Variants in ZNF717 observed in about 807,000 individuals in gnomAD.
ZNF717 encodes zinc finger protein 717, also known as krueppel-like factor X17.
ZNF717 carries 9 observed loss-of-function variants against 13.8 expected under a neutral mutation model. The ratio of observed to expected loss-of-function variants is 0.65; its 90% CI spans 0.39 to 1.14. The LOEUF is 1.14. ZNF717 is among the 50% of genes most tolerant of loss of function. ZNF717 has a pLI of 0.01. For synonymous variants in ZNF717, 327 were observed against 364.1 expected, an observed-to-expected ratio of 0.90 and a Z score of 1.16; for missense variants, 1,040 against 1,080.7, an observed-to-expected ratio of 0.96 and a Z score of 0.53.
intron 2 of ZNF717, among the ~76,000 whole-genome samples, chr3:75,777,783 G>C (rs1370026104): frequency 7.3e-5 from 11 of 150,886 alleles, no homozygotes; most frequent in African/African-American, 2.7e-4. Context: ...CAATGGGAGT[G>C]ACATGCTAAA....
intron 6 of ZNF717, among the ~76,000 whole-genome samples, chr3:75,694,714 T>G (rs1937587405): frequency 7.5e-6 from 1 of 132,810 alleles, no homozygotes; most frequent in Non-Finnish European, 1.6e-5. Flanking sequence ...CAATAAAGTA[T>G]AGTTTTTATT....
At chr3:75,776,206 C>T (rs2107687917) in intron 2 of ZNF717, among the ~76,000 whole-genome samples, 2 of 152,370 alleles carry the variant, frequency 1.3e-5, no homozygotes, top group Middle Eastern at 6.8e-3. Context: ...TTTTGCATTC[C>T]ATAACTCATC....
At chr3:75,773,475 A>T (rs1944053259) in intron 2 of ZNF717, among the ~76,000 whole-genome samples, 1 of 152,234 alleles carries the variant, frequency 6.6e-6, no homozygotes, top group African/African-American at 2.4e-5. Flanking sequence ...GAAGCTTCTA[A>T]AAAGATTTAG....
At chr3:75,723,790 C>A (rs1485396915) in intron 4 of ZNF717, among the ~76,000 whole-genome samples, 6 of 152,132 alleles carry the variant, frequency 3.9e-5, no homozygotes, top group African/African-American at 1.2e-4. Flanking sequence ...GGGAAGGCAC[C>A]GGTTACTTAG....
At chr3:75,731,915 C>G, downstream of ZNF717, 3 of 610,852 alleles carry the variant, frequency 4.9e-6, no homozygotes, top group South Asian at 3.9e-5. Flanking sequence ...AGACTCACTA[C>G]TGAAACCACC....
intron 1 of ZNF717, 190 bp downstream of exon 1, chr3:75,785,192 GAC>G (rs1316088174): frequency 6.6e-6 from 1 of 152,330 alleles, no homozygotes; most frequent in Non-Finnish European, 1.5e-5. Context: ...TTCGCACTGG[GAC>G]AGATGGGCAA....
At chr3:75,749,836 T>C (rs1575821575) in intron 2 of ZNF717, among the ~76,000 whole-genome samples, 1 of 151,908 alleles carries the variant, frequency 6.6e-6, no homozygotes, top group South Asian at 2.1e-4. Context: ...TGTCTGTGAC[T>C]CACATAGGAT....
downstream of ZNF717, among the ~76,000 whole-genome samples, chr3:75,733,657 T>C (rs1207308001): frequency 1.3e-5 from 2 of 151,086 alleles, no homozygotes; most frequent in South Asian, 2.1e-4. Flanking sequence ...TGGGAGCTCA[T>C]AGTCCTAGCT....
intron 2 of ZNF717, among the ~76,000 whole-genome samples, chr3:75,776,091 G>A (rs893288599): frequency 1.3e-5 from 2 of 152,248 alleles, no homozygotes; most frequent in Non-Finnish European, 2.9e-5. Context: ...GAAACAGCTG[G>A]TATTCAAGAG....
chr3:75,721,739 T>C (rs1377916764), intron 4 of ZNF717, among the ~76,000 whole-genome samples: 2 of 152,104 alleles, frequency 1.3e-5, no homozygotes, highest in South Asian at 2.1e-4. Context: ...AACCCTATGA[T>C]AGAAAGAAAA....
intron 1 of ZNF717, 22 bp downstream of exon 1, chr3:75,785,362 C>G (rs1173586432): frequency 1.3e-5 from 2 of 153,978 alleles, no homozygotes; most frequent in Non-Finnish European, 2.9e-5. Flanking sequence ...TCCCAGCCCC[C>G]GCCAGGGTCC....
At chr3:75,715,901 C>A (rs1347138253) in intron 5 of ZNF717, among the ~76,000 whole-genome samples, 5 of 152,004 alleles carry the variant, frequency 3.3e-5, no homozygotes, top group African/African-American at 1.2e-4. Context: ...TAATATATAA[C>A]CAGGTGGAGT....
At chr3:75,696,701 T>C (rs1937606526) in intron 6 of ZNF717, among the ~76,000 whole-genome samples, 2 of 152,282 alleles carry the variant, frequency 1.3e-5, no homozygotes, top group Admixed American at 6.5e-5. Context: ...TAAACCAGTA[T>C]GGCCAACATG....
chr3:75,772,721 G>A (rs555707382), intron 2 of ZNF717, among the ~76,000 whole-genome samples: 12 of 152,324 alleles, frequency 7.9e-5, no homozygotes, highest in South Asian at 4.1e-4. Flanking sequence ...CTTGGCAGGC[G>A]TGGGATCCAG....
chr3:75,771,770 T>C (rs897861671), intron 2 of ZNF717, among the ~76,000 whole-genome samples: 6 of 152,216 alleles, frequency 3.9e-5, no homozygotes, highest in African/African-American at 1.4e-4. Flanking sequence ...CAGGCACAGC[T>C]GCAGCCATCC....
chr3:75,719,213 T>C (rs566038908), intron 4 of ZNF717, among the ~76,000 whole-genome samples: 5 of 151,328 alleles, frequency 3.3e-5, no homozygotes, highest in African/African-American at 7.3e-5. Context: ...GAGGATTGCT[T>C]GAGCTCAGGA....
chr3:75,779,747 C>T (rs192441228), intron 2 of ZNF717, among the ~76,000 whole-genome samples: 2,449 of 133,046 alleles, frequency 0.018, 45 homozygotes, highest in Non-Finnish European at 0.027. Context: ...ATGGGAGTGT[C>T]GTGCTAAACC....
At chr3:75,711,433 A>T (rs1353918424) in intron 5 of ZNF717, 1 of 137,812 alleles carries the variant, frequency 7.3e-6, no homozygotes, top group Admixed American at 7.4e-5. Context: ...CTTGATTAAC[A>T]GTTTTATAAA....
intron 2 of ZNF717, among the ~76,000 whole-genome samples, chr3:75,758,830 A>C (rs6790441): frequency 0.71 from 106,973 of 150,514 alleles, 38,804 homozygotes; most frequent in African/African-American, 0.87. Flanking sequence ...ATGGCAAAAC[A>C]CCATCTCTAC....
Sources: gnomAD v4.1 joint callset for allele counts (sites outside exome capture counted in the v4.1 genomes callset) on GRCh38, gnomAD v4.1.1 for gene constraint, MANE v1.5 for transcripts, NCBI Gene and HGNC (gene_info 2026-07-23, HGNC 2026-07-21) for gene names.